The following ENTPD1 variants were observed in gnomAD, a reference collection of about 807,000 sequenced individuals.
The protein encoded by ENTPD1 is ATP diphosphohydrolase.
ENTPD1 carries 33 observed loss-of-function variants against 57.0 expected under a neutral mutation model. The ratio of observed to expected loss-of-function variants is 0.58; its 90% CI spans 0.44 to 0.77. ENTPD1 has a LOEUF of 0.77. ENTPD1 is among the 30% of genes least tolerant of loss of function. The pLI is 0.00. For missense variants in ENTPD1, 501 were observed against 603.4 expected (o/e 0.83, Z 1.78); for synonymous variants, 202 against 218.8 (o/e 0.92, Z 0.68).
chr10:95,848,573 T>TG (rs2098439586), intron 7 of ENTPD1, among the ~76,000 whole-genome samples: 1 of 152,158 alleles, frequency 6.6e-6, no homozygotes, highest in African/African-American at 2.4e-5. Flanking sequence ...TGTCTGTGGT[T>TG]GGGGGGCATG....
Position 95,834,702 on chromosome 10 carries a change from C to T in ENTPD1, c.145-4989C>T, listed in dbSNP as rs181005674. Among the ~76,000 whole-genome samples the T allele has an allele frequency of 4.4e-3, 673 of 152,196 alleles. 4 individuals carry two copies. The highest frequency in any genetic ancestry group is 0.015 in the African/African-American group (640 of 41,530). On this transcript the variant is annotated intron_variant, in intron 2 of 9. Transcript: ENST00000371205. ...AGGAGATATCTGCCCCATATCTATA[C>T]GGCCTCCAGTCTCAGTGAGCTTAGG...
rs1263972490 is a variant in ENTPD1, at chr10:95,870,720, A to G, written c.*4337A>G. On this transcript the variant is annotated 3_prime_UTR_variant, in exon 10 of 10. Transcript: ENST00000371205. Reference sequence around the variant, plus strand: ...GGTCTGGCCCCTCTCTGATTCAAATACCAATAGTTGCTCTGATTCAAATTC... The same window carrying G: ...GGTCTGGCCCCTCTCTGATTCAAATGCCAATAGTTGCTCTGATTCAAATTC... 1.0e-6 allele frequency: 1 copy of G among 985,356 alleles called. No individual in the cohort carries two copies. The highest frequency in any genetic ancestry group is 1.2e-6 in the Non-Finnish European group (1 of 829,934). 61.0% of individuals were successfully genotyped at this position (985,356 alleles called of 1,614,324 possible). A position where few individuals can be genotyped will look rare whatever the true frequency, so the allele number is the denominator to read the frequency against.
chr10:95,769,169 G>C (rs187398570), intron 1 of ENTPD1, among the ~76,000 whole-genome samples: 1 of 152,352 alleles, frequency 6.6e-6, no homozygotes. Context: ...GGCTGTCAGA[G>C]TTCTGTCAAT....
At chr10:95,795,014 C>A (rs2098220460) in intron 1 of ENTPD1, among the ~76,000 whole-genome samples, 1 of 152,094 alleles carries the variant, frequency 6.6e-6, no homozygotes, top group Non-Finnish European at 1.5e-5. Context: ...GTGGAGTATT[C>A]TAAGTAACTA....
intron 1 of ENTPD1, among the ~76,000 whole-genome samples, chr10:95,735,080 G>A (rs1425077854): frequency 6.8e-6 from 1 of 148,090 alleles, no homozygotes; most frequent in Non-Finnish European, 1.5e-5. Flanking sequence ...TGCCCAGGCT[G>A]GAGTGCAGTG....
At chr10:95,736,419 T>C (rs577144606) in intron 1 of ENTPD1, among the ~76,000 whole-genome samples, 1 of 152,280 alleles carries the variant, frequency 6.6e-6, no homozygotes, top group Non-Finnish European at 1.5e-5. Context: ...CCTAAAATGT[T>C]TATTAAAATG....
chr10:95,784,761 G>A (rs1032781510), intron 1 of ENTPD1, among the ~76,000 whole-genome samples: 3 of 152,156 alleles, frequency 2.0e-5, no homozygotes, highest in Non-Finnish European at 4.4e-5. Context: ...AGGAAGTAAA[G>A]CTGGAGGCTG....
intron 7 of ENTPD1, among the ~76,000 whole-genome samples, chr10:95,857,202 C>G (rs1040237592): frequency 2.6e-5 from 4 of 152,064 alleles, no homozygotes; most frequent in Non-Finnish European, 5.9e-5. Flanking sequence ...TGGCATGGAC[C>G]AGGAGGCCCT....
chr10:95,817,685 T>C (rs2098334838), intron 1 of ENTPD1, among the ~76,000 whole-genome samples: 1 of 152,226 alleles, frequency 6.6e-6, no homozygotes, highest in African/African-American at 2.4e-5. Flanking sequence ...CTCCCTGTGA[T>C]AGAAATCACC....
intron 1 of ENTPD1, among the ~76,000 whole-genome samples, chr10:95,719,739 G>A (rs1255043122): frequency 1.3e-5 from 2 of 152,198 alleles, no homozygotes; most frequent in African/African-American, 4.8e-5. Context: ...GAGTGTCCAG[G>A]TATGAGAATT....
At chr10:95,724,902 G>T (rs11188451) in intron 1 of ENTPD1, among the ~76,000 whole-genome samples, 2 of 152,130 alleles carry the variant, frequency 1.3e-5, no homozygotes, top group Non-Finnish European at 2.9e-5. Flanking sequence ...AATTTGAGAA[G>T]TTTTGGGCCT....
chr10:95,869,242 T>C lies in ENTPD1; in HGVS notation c.*2859T>C, dbSNP rs1200276911. Reference sequence around the variant, plus strand: ...AAAAAAGATCAGCAGAAGTCATTACTTTTTTTTTTTTTTTTTTTTTTTTTT... The same window carrying C: ...AAAAAAGATCAGCAGAAGTCATTACCTTTTTTTTTTTTTTTTTTTTTTTTT... On this transcript the variant is annotated 3_prime_UTR_variant, in exon 10 of 10. Transcript: ENST00000371205. 3.4e-5 allele frequency: 1 copy of C among 29,684 alleles called. No homozygotes were observed. Among genetic ancestry groups the C allele is most frequent in the Non-Finnish European group, 4.9e-5 (1 of 20,202 alleles). 1.8% of individuals were successfully genotyped at this position (29,684 alleles called of 1,614,324 possible).
intron 9 of ENTPD1, among the ~76,000 whole-genome samples, chr10:95,865,467 G>A (rs2098472575): frequency 6.6e-6 from 1 of 152,178 alleles, no homozygotes; most frequent in Non-Finnish European, 1.5e-5. Flanking sequence ...AAAATACCCA[G>A]AGCAGTGTGT....
rs373805682 is a variant in ENTPD1 at position 95,860,454 on chromosome 10, G to T, written c.1075-15G>T. The T allele has an allele frequency of 1.9e-6, 3 of 1,607,144 alleles. No homozygotes were observed. Among genetic ancestry groups the T allele is most frequent in the South Asian group, 2.2e-5 (2 of 90,244 alleles). On this transcript the variant is annotated splice_polypyrimidine_tract_variant and intron_variant, in intron 7 of 9. Transcript: ENST00000371205. ...TGTGTGGAACACAGCCTAAAACTGC[G>T]ATTTTCTCTTGTAGGCATTTTCAGC...
At chr10:95,705,203 T>C in the ENTPD1 span, among the ~76,000 whole-genome samples, 1 of 152,044 alleles carries the variant, frequency 6.6e-6, no homozygotes, top group African/African-American at 2.4e-5. Context: ...TTGGGCTTCA[T>C]ATAATAAAGC....
chr10:95,751,358 T>C (rs1011286472), upstream of ENTPD1, among the ~76,000 whole-genome samples: 6 of 151,984 alleles, frequency 3.9e-5, no homozygotes, highest in Non-Finnish European at 7.4e-5. Context: ...AGATGTGGGA[T>C]GTGGGGAGGG....
intron 1 of ENTPD1, among the ~76,000 whole-genome samples, chr10:95,748,425 A>C (rs895776183): frequency 2.6e-5 from 4 of 152,214 alleles, no homozygotes; most frequent in Non-Finnish European, 5.9e-5. Flanking sequence ...TTTCAAACAT[A>C]GAAAGTAGAG....
intron 1 of ENTPD1, among the ~76,000 whole-genome samples, chr10:95,771,330 A>G (rs1201052726): frequency 3.3e-5 from 5 of 152,214 alleles, no homozygotes; most frequent in Non-Finnish European, 7.3e-5. Context: ...TTATATTATA[A>G]CTTCTGTGGA....
intron 1 of ENTPD1, among the ~76,000 whole-genome samples, chr10:95,722,684 A>G (rs1033089223): frequency 6.6e-6 from 1 of 151,964 alleles, no homozygotes; most frequent in Non-Finnish European, 1.5e-5. Context: ...ACTGGGAGAT[A>G]TACCATTGTG....
Sources: allele counts gnomAD v4.1 joint callset (sites outside exome capture counted in the v4.1 genomes callset), GRCh38; gene constraint gnomAD v4.1.1; transcripts MANE v1.5; gene names NCBI Gene and HGNC (gene_info 2026-07-23, HGNC 2026-07-21).